Variants in GOLPH3 observed in about 807,000 individuals in gnomAD.
GOLPH3 encodes the protein golgi phosphoprotein 3, also known as coat protein GPP34.
Under a neutral mutation model 28.5 loss-of-function variants are expected in GOLPH3, and 14 were observed. That is an observed-to-expected ratio of 0.49 (90% CI 0.32 to 0.77). GOLPH3 has a LOEUF of 0.77. Ranked by LOEUF, GOLPH3 falls within the 30% of genes least tolerant of loss-of-function variation. The probability of loss-of-function intolerance (pLI) is 0.03; values close to 1 mark genes in which losing one functional copy is unlikely to be tolerated. For missense variants in GOLPH3, 350 were observed against 393.7 expected, an observed-to-expected ratio of 0.89 and a Z score of 0.94; for synonymous variants, 158 against 159.2, an observed-to-expected ratio of 0.99 and a Z score of 0.06.
chr5:32,148,728 C>T (rs753995916), intron 1 of GOLPH3, among the ~76,000 whole-genome samples: 11 of 152,196 alleles, frequency 7.2e-5, no homozygotes, highest in East Asian at 1.9e-4. Context: ...CCCCAGGAGG[C>T]GGAGCTTGCA....
chr5:32,147,793 C>T (rs939747513), intron 1 of GOLPH3, among the ~76,000 whole-genome samples: 51 of 152,166 alleles, frequency 3.4e-4, no homozygotes, highest in African/African-American at 1.2e-3. Context: ...TAACTATGAA[C>T]CACAAAGTAA....
chr5:32,164,897 ATTCTTTT>A (rs954029714), intron 1 of GOLPH3, among the ~76,000 whole-genome samples: 12 of 136,048 alleles, frequency 8.8e-5, no homozygotes, highest in African/African-American at 3.5e-4. Context: ...TAAATTATGT[ATTCTTTT>A]TTTTTTTTTT....
At chr5:32,166,939 T>C (rs976242199) in intron 1 of GOLPH3, among the ~76,000 whole-genome samples, 4 of 151,184 alleles carry the variant, frequency 2.6e-5, no homozygotes, top group Admixed American at 2.0e-4. Context: ...ATCTGATTAA[T>C]GGCAGTAGAA....
intron 1 of GOLPH3, among the ~76,000 whole-genome samples, chr5:32,158,048 ACACACACACACACT>A (rs1746479184): frequency 1.5e-5 from 2 of 133,682 alleles, no homozygotes; most frequent in African/African-American, 5.6e-5. Flanking sequence ...ACACACACAC[ACACACACACACACT>A]GGGCAAAATC....
intron 1 of GOLPH3, among the ~76,000 whole-genome samples, chr5:32,164,831 A>G (rs1746672141): frequency 6.6e-6 from 1 of 152,034 alleles, no homozygotes; most frequent in Non-Finnish European, 1.5e-5. Flanking sequence ...GTATTAAGTA[A>G]ATTTATTTAA....
chr5:32,148,394 T>C (rs568214903), intron 1 of GOLPH3, among the ~76,000 whole-genome samples: 32 of 152,356 alleles, frequency 2.1e-4, no homozygotes, highest in African/African-American at 7.0e-4. Context: ...AATAGTTTCA[T>C]TTTGTTTTTA....
intron 1 of GOLPH3, among the ~76,000 whole-genome samples, chr5:32,163,861 T>C (rs907638948): frequency 1.3e-5 from 2 of 152,168 alleles, no homozygotes; most frequent in Non-Finnish European, 1.5e-5. Context: ...GAAATTTAAG[T>C]TCTTAAGTGT....
At chr5:32,134,249 A>C (rs181345449) in intron 3 of GOLPH3, among the ~76,000 whole-genome samples, 129 of 152,064 alleles carry the variant, frequency 8.5e-4, no homozygotes, top group Non-Finnish European at 1.5e-3. Flanking sequence ...TCTGTCACCC[A>C]GGTTGGAGTG....
intron 1 of GOLPH3, among the ~76,000 whole-genome samples, chr5:32,153,340 A>G (rs1179737876): frequency 6.6e-6 from 1 of 152,000 alleles, no homozygotes; most frequent in Non-Finnish European, 1.5e-5. Context: ...TAATGGGGGA[A>G]GGAAAGAATG....
In GOLPH3 at chr5:32,126,334, C is replaced by T. The variant is rs1332708342; in HGVS notation, c.775G>A (p.Glu259Lys). ...CTCTTGGTAGCCAAATCATACTGCT[C>T]GTCCAGAAGAGGAGCAAAAGCATTC... ...LENAFAPLLD[E>K]QYDLATKRVR... Residue 259 changes from glutamate (E) to lysine (K), a missense_variant, in exon 4 of 4, where the codon GAG becomes AAG. Physicochemically the swap from Glu to Lys is moderately conservative, Grantham distance 56. Coordinates refer to ENST00000265070, the MANE Select transcript of GOLPH3 (RefSeq NM_022130.4). The T allele has an allele frequency of 3.1e-6, 5 of 1,614,136 alleles. No individual in the cohort carries two copies. The highest frequency in any genetic ancestry group is 4.2e-6 in the Non-Finnish European group (5 of 1,180,020).
At chr5:32,142,517 T>C (rs1309431364) in intron 2 of GOLPH3, among the ~76,000 whole-genome samples, 1 of 114,730 alleles carries the variant, frequency 8.7e-6, no homozygotes, top group Non-Finnish European at 1.8e-5. Flanking sequence ...GTCCGGGAGG[T>C]GAGGGGCGCC....
chr5:32,158,036 A>G (rs1379832587), intron 1 of GOLPH3, among the ~76,000 whole-genome samples: 1 of 131,548 alleles, frequency 7.6e-6, no homozygotes. Flanking sequence ...ACACACACAC[A>G]CACACACACA....
Position 32,142,679 on chromosome 5 carries a change from G to A in GOLPH3, c.357+1070C>T, listed in dbSNP as rs1169038210. Among the ~76,000 whole-genome samples, 340 of 140,164 alleles carry A rather than the reference G, an allele frequency of 2.4e-3. 8 individuals are homozygous for A. Among genetic ancestry groups the A allele is most frequent in the African/African-American group, 8.6e-3 (314 of 36,486 alleles). 92.0% of individuals were successfully genotyped at this position (140,164 alleles called of 152,430 possible). A position where few individuals can be genotyped will look rare whatever the true frequency, so the allele number is the denominator to read the frequency against. ...GGTCAGCCCCCAAGCCCGGCCAGCC[G>A]CCCCGTCCGGGAGGGAGGTGGGGGG... On this transcript the variant is annotated intron_variant, in intron 2 of 3. Coordinates refer to ENST00000265070, the MANE Select transcript of GOLPH3 (RefSeq NM_022130.4).
At chr5:32,161,789 A>G (rs1263317441) in intron 1 of GOLPH3, among the ~76,000 whole-genome samples, 1 of 151,152 alleles carries the variant, frequency 6.6e-6, no homozygotes, top group African/African-American at 2.5e-5. Context: ...GCACTTTGGG[A>G]GGCAGAGGCG....
chr5:32,171,632 A>G (rs982839760), intron 1 of GOLPH3, among the ~76,000 whole-genome samples: 4 of 151,930 alleles, frequency 2.6e-5, no homozygotes, highest in Admixed American at 2.6e-4. Context: ...TGTCTATAAT[A>G]ATGTTATTTT....
Position 32,126,639 on chromosome 5 carries a change from A to G in GOLPH3, c.473-3T>C. On this transcript the variant is annotated splice_region_variant and splice_polypyrimidine_tract_variant and intron_variant, in intron 3 of 3. Coordinates refer to ENST00000265070, the MANE Select transcript of GOLPH3 (RefSeq NM_022130.4). ...TTTTAATGGATTCCATGTCTCACCT[A>G]AACAAAAGATTTCAGAAGTTAGAAA... 1 of 1,603,840 alleles carries G rather than the reference A, an allele frequency of 6.2e-7. No homozygotes were observed. The highest frequency in any genetic ancestry group is 1.1e-5 in the South Asian group (1 of 89,392).
Position 32,143,780 on chromosome 5 carries a change from C to A in GOLPH3, c.326G>T (p.Gly109Val). Reference sequence around the variant, plus strand: ...TGTTAATAGACTTTTACGTCTCATTCCACAAGCCTCTAGTTGTAACCTTCC... The same window carrying A: ...TGTTAATAGACTTTTACGTCTCATTACACAAGCCTCTAGTTGTAACCTTCC... Reference protein sequence around the residue: ...LRGRLQLEACGMRRKSLLTRK... With the variant: ...LRGRLQLEACVMRRKSLLTRK... Residue 109 changes from glycine (G) to valine (V), a missense_variant, in exon 2 of 4, where the codon GGA (glycine) becomes GTA (valine). Physicochemically the swap from Gly to Val is moderately radical, Grantham distance 109. Coordinates refer to ENST00000265070, the MANE Select transcript of GOLPH3 (RefSeq NM_022130.4). The A allele has an allele frequency of 6.2e-7, 1 of 1,607,176 alleles. No individual in the cohort carries two copies. Among genetic ancestry groups the A allele is most frequent in the Non-Finnish European group, 8.5e-7 (1 of 1,178,132 alleles).
chr5:32,158,019 A>ACAC lies in GOLPH3; in HGVS notation c.226-14140_226-14139insGTG, dbSNP rs1161775486. Among the ~76,000 whole-genome samples, 21 of 23,218 alleles carry ACAC rather than the reference A, an allele frequency of 9.0e-4. 2 individuals carry two copies. Among genetic ancestry groups the ACAC allele is most frequent in the Admixed American group, 3.9e-3 (6 of 1,534 alleles). 15.2% of individuals were successfully genotyped at this position (23,218 alleles called of 152,430 possible). A position where few individuals can be genotyped will look rare whatever the true frequency, so the allele number is the denominator to read the frequency against. ...TAAATAAATAAATAAATAAATAAAT[A>ACAC]AAATACACACACACACACACACACA... On this transcript the variant is annotated intron_variant, in intron 1 of 3. Coordinates refer to ENST00000265070, the MANE Select transcript of GOLPH3 (RefSeq NM_022130.4).
At chr5:32,147,436 C>CAA (rs771355320) in intron 1 of GOLPH3, among the ~76,000 whole-genome samples, 52 of 129,714 alleles carry the variant, frequency 4.0e-4, no homozygotes, top group African/African-American at 1.3e-3. Context: ...TCATCTCAAA[C>CAA]AAAAAAAAAA....
Sources: gnomAD v4.1 joint callset for allele counts (sites outside exome capture counted in the v4.1 genomes callset) on GRCh38, gnomAD v4.1.1 for gene constraint, MANE v1.5 for transcripts, NCBI Gene and HGNC (gene_info 2026-07-23, HGNC 2026-07-21) for gene names.